ZFYVE9: variants seen among roughly 807,000 people sequenced by gnomAD.
ZFYVE9 encodes zinc finger FYVE domain-containing protein 9.
In ZFYVE9, 43 loss-of-function variants were observed where a neutral mutation model predicts 126.7. The ratio of observed to expected loss-of-function variants is 0.34; its 90% CI spans 0.27 to 0.44. The LOEUF (loss-of-function observed/expected upper bound fraction) is 0.44. Ranked by LOEUF, ZFYVE9 falls within the 20% of genes least tolerant of loss-of-function variation. The probability of loss-of-function intolerance (pLI) is 1.00; values close to 1 mark genes in which losing one functional copy is unlikely to be tolerated. For missense variants in ZFYVE9, 1,476 were observed against 1,697.0 expected (o/e 0.87, Z 2.29); for synonymous variants, 521 against 597.4 (o/e 0.87, Z 1.87).
chr1:52,289,376 T>G (rs1272348519), intron 10 of ZFYVE9, among the ~76,000 whole-genome samples: 4 of 152,206 alleles, frequency 2.6e-5, no homozygotes, highest in Non-Finnish European at 5.9e-5. Flanking sequence ...GCTTACCTAC[T>G]AGCACTGATC....
intron 1 of ZFYVE9, among the ~76,000 whole-genome samples, chr1:52,197,296 G>C (rs1202510037): frequency 6.6e-6 from 1 of 152,108 alleles, no homozygotes; most frequent in Non-Finnish European, 1.5e-5. Flanking sequence ...AGATGATATA[G>C]AGAATAGAGA....
In ZFYVE9 at chr1:52,271,741, G is replaced by A. The variant is rs942033498; in HGVS notation, c.2626-2723G>A. Among the ~76,000 whole-genome samples, 6 of 152,244 alleles carry A rather than the reference G, an allele frequency of 3.9e-5. No homozygotes were observed. In the South Asian group the frequency reaches 6.2e-4, roughly 16 times the overall value. On this transcript the variant is annotated intron_variant, in intron 7 of 18. Transcript: ENST00000287727. ...TAAAGTTCCTATATGATGCCATACC[G>A]GAAAATTTTAGAAATCCCACTAAAA... is the stretch of plus-strand genomic sequence containing the variant.
intron 1 of ZFYVE9, among the ~76,000 whole-genome samples, chr1:52,146,894 A>G (rs551824903): frequency 1.3e-5 from 2 of 152,324 alleles, no homozygotes; most frequent in South Asian, 4.1e-4. Context: ...CTGTTTTTAC[A>G]GGTTGAGCAT....
chr1:52,165,480 A>G (rs1042208691), intron 1 of ZFYVE9, among the ~76,000 whole-genome samples: 6 of 152,206 alleles, frequency 3.9e-5, no homozygotes, highest in Non-Finnish European at 5.9e-5. Flanking sequence ...ATGTGTGTGT[A>G]TATAGAAGGG....
At chr1:52,150,832 C>A (rs750020253) in intron 1 of ZFYVE9, among the ~76,000 whole-genome samples, 1 of 151,756 alleles carries the variant, frequency 6.6e-6, no homozygotes, top group African/African-American at 2.4e-5. Context: ...TAAAAACACC[C>A]TGTCAGGATT....
At chr1:52,271,520 C>G (rs1474804282) in intron 7 of ZFYVE9, among the ~76,000 whole-genome samples, 1 of 152,046 alleles carries the variant, frequency 6.6e-6, no homozygotes, top group Non-Finnish European at 1.5e-5. Context: ...GTTTGCTGCA[C>G]CCATCAACCC....
intron 1 of ZFYVE9, among the ~76,000 whole-genome samples, chr1:52,161,520 A>C (rs1375504338): frequency 6.6e-6 from 1 of 152,024 alleles, no homozygotes; most frequent in East Asian, 1.9e-4. Context: ...TGAACTCTTG[A>C]GCTCAGGCAA....
chr1:52,168,369 A>G (rs1340080962), intron 1 of ZFYVE9, among the ~76,000 whole-genome samples: 1 of 151,518 alleles, frequency 6.6e-6, no homozygotes, highest in African/African-American at 2.4e-5. Flanking sequence ...GGCGCACACC[A>G]CCACACCCGG....
intron 1 of ZFYVE9, among the ~76,000 whole-genome samples, chr1:52,194,378 A>G (rs1644842244): frequency 6.8e-6 from 1 of 147,730 alleles, no homozygotes; most frequent in South Asian, 2.1e-4. Flanking sequence ...ACCTTCATAT[A>G]AAAAAAAACC....
intron 13 of ZFYVE9, among the ~76,000 whole-genome samples, chr1:52,321,068 T>G (rs1646235776): frequency 6.6e-6 from 1 of 152,212 alleles, no homozygotes; most frequent in South Asian, 2.1e-4. Context: ...TACAAGAATC[T>G]GTGAAATCAT....
At chr1:52,308,478 C>T (rs546628978) in intron 13 of ZFYVE9, among the ~76,000 whole-genome samples, 5 of 152,258 alleles carry the variant, frequency 3.3e-5, no homozygotes, top group South Asian at 2.1e-4. Context: ...TCACTACACC[C>T]GGCCATAATT....
chr1:52,216,805 G>C (rs998162101), intron 2 of ZFYVE9, among the ~76,000 whole-genome samples: 5 of 152,174 alleles, frequency 3.3e-5, no homozygotes, highest in Non-Finnish European at 7.3e-5. Context: ...AGCTAAACAA[G>C]TAAAGCTAAT....
chr1:52,317,187 C>T (rs1646193178), intron 13 of ZFYVE9, among the ~76,000 whole-genome samples: 1 of 151,968 alleles, frequency 6.6e-6, no homozygotes, highest in African/African-American at 2.4e-5. Flanking sequence ...ACAGCTAAAA[C>T]AATGATTAGA....
intron 1 of ZFYVE9, among the ~76,000 whole-genome samples, chr1:52,166,933 T>C (rs1196152570): frequency 6.6e-6 from 1 of 152,194 alleles, no homozygotes; most frequent in African/African-American, 2.4e-5. Context: ...TTCATGCTTA[T>C]TTACTCTGAA....
chr1:52,275,039 G>A (rs187359660), intron 8 of ZFYVE9, among the ~76,000 whole-genome samples: 1 of 152,274 alleles, frequency 6.6e-6, no homozygotes, highest in East Asian at 1.9e-4. Flanking sequence ...TTGATAAGAA[G>A]TAAAATTATT....
chr1:52,339,372 C>T (rs756713095), intron 16 of ZFYVE9, among the ~76,000 whole-genome samples: 17 of 151,952 alleles, frequency 1.1e-4, no homozygotes, highest in Non-Finnish European at 1.8e-4. Flanking sequence ...ACTGCAACCT[C>T]CGCCTCCCAG....
intron 1 of ZFYVE9, among the ~76,000 whole-genome samples, chr1:52,211,862 ATTC>A (rs1645031866): frequency 6.6e-6 from 1 of 152,196 alleles, no homozygotes; most frequent in Middle Eastern, 3.2e-3. Flanking sequence ...CTCACAAATA[ATTC>A]TTCTGTTATA....
chr1:52,252,111 T>A (rs1239472663), intron 4 of ZFYVE9: 1 of 164,042 alleles, frequency 6.1e-6, no homozygotes, highest in Non-Finnish European at 1.4e-5. Context: ...TTATTTTTGG[T>A]TATGATAGCA....
intron 13 of ZFYVE9, 28 bp from the exon 14 acceptor site, chr1:52,332,740 C>A: frequency 6.3e-7 from 1 of 1,597,128 alleles, no homozygotes; most frequent in South Asian, 1.1e-5. Flanking sequence ...CCATTCTTGT[C>A]AGAATAAGGT....
Sources: gnomAD v4.1 joint callset for allele counts (sites outside exome capture counted in the v4.1 genomes callset) on GRCh38, gnomAD v4.1.1 for gene constraint, MANE v1.5 for transcripts, NCBI Gene and HGNC (gene_info 2026-07-23, HGNC 2026-07-21) for gene names.